ABTB3: variants seen among roughly 807,000 people sequenced by gnomAD.
ABTB3 encodes ankyrin repeat and BTB domain containing 3.
the ABTB3 span, among the ~76,000 whole-genome samples, chr12:107,645,709 C>T: frequency 6.6e-6 from 1 of 152,196 alleles, no homozygotes; most frequent in Admixed American, 6.5e-5. Flanking sequence ...GAACTTGGCT[C>T]GTAGTAGGCG....
the ABTB3 span, among the ~76,000 whole-genome samples, chr12:107,633,527 A>G: frequency 6.6e-6 from 1 of 152,128 alleles, no homozygotes; most frequent in Non-Finnish European, 1.5e-5. Flanking sequence ...GGAGGCCATA[A>G]TTATTCTTAC....
chr12:107,632,109 C>G, the ABTB3 span, among the ~76,000 whole-genome samples: 2 of 152,190 alleles, frequency 1.3e-5, no homozygotes, highest in African/African-American at 4.8e-5. Context: ...TGAGTTCCAG[C>G]AGAGGAGGGG....
the ABTB3 span, among the ~76,000 whole-genome samples, chr12:107,593,063 T>C: frequency 2.6e-5 from 4 of 152,238 alleles, no homozygotes; most frequent in African/African-American, 9.6e-5. Flanking sequence ...AAATAAGCTT[T>C]AAAAAGATAC....
chr12:107,547,233 G>GGAGGAAGAAGAGGAA, the ABTB3 span, among the ~76,000 whole-genome samples: 1 of 151,444 alleles, frequency 6.6e-6, no homozygotes, highest in African/African-American at 2.4e-5. Context: ...AGGGGGAGGG[G>GGAGGAAGAAGAGGAA]GAGGAAGAAG....
At chr12:107,522,755 G>GAAGT in the ABTB3 span, among the ~76,000 whole-genome samples, 2 of 137,020 alleles carry the variant, frequency 1.5e-5, no homozygotes, top group Admixed American at 7.5e-5. Flanking sequence ...AGGAAGGAAG[G>GAAGT]AAGGAATGAA....
the ABTB3 span, among the ~76,000 whole-genome samples, chr12:107,647,023 G>A: frequency 1.3e-3 from 202 of 152,218 alleles, 1 homozygote; most frequent in African/African-American, 4.6e-3. Flanking sequence ...CGGTTGAGTG[G>A]TCCGAGCATA....
At chr12:107,459,016 G>A in the ABTB3 span, among the ~76,000 whole-genome samples, 2 of 152,152 alleles carry the variant, frequency 1.3e-5, no homozygotes. Flanking sequence ...GCAGTGTTCT[G>A]TATTAGTCTA....
At chr12:107,369,392 G>GTTTTTT in the ABTB3 span, among the ~76,000 whole-genome samples, 23 of 134,904 alleles carry the variant, frequency 1.7e-4, no homozygotes, top group Non-Finnish European at 2.6e-4. Context: ...TCAAACAAGG[G>GTTTTTT]TTTTTTTTTT....
At chr12:107,593,035 G>A in the ABTB3 span, among the ~76,000 whole-genome samples, 2 of 152,172 alleles carry the variant, frequency 1.3e-5, no homozygotes, top group East Asian at 3.8e-4. Context: ...TAAATCTGAG[G>A]AACACTAGCT....
At chr12:107,331,134 G>T in the ABTB3 span, among the ~76,000 whole-genome samples, 1 of 152,200 alleles carries the variant, frequency 6.6e-6, no homozygotes, top group African/African-American at 2.4e-5. Flanking sequence ...AAGCACACCA[G>T]ACTTAAATTA....
At chr12:107,531,795 C>T in the ABTB3 span, among the ~76,000 whole-genome samples, 1 of 152,148 alleles carries the variant, frequency 6.6e-6, no homozygotes, top group Non-Finnish European at 1.5e-5. Flanking sequence ...GTAGTCATTA[C>T]TAGACTACAT....
chr12:107,360,648 T>A, the ABTB3 span, among the ~76,000 whole-genome samples: 1 of 152,172 alleles, frequency 6.6e-6, no homozygotes, highest in South Asian at 2.1e-4. Flanking sequence ...CACAGTCCTA[T>A]TTACCTAATG....
chr12:107,653,948 C>T, the ABTB3 span, among the ~76,000 whole-genome samples: 6 of 152,156 alleles, frequency 3.9e-5, no homozygotes, highest in East Asian at 1.2e-3. Context: ...CCTCATTCCT[C>T]CCCTCCCCCA....
chr12:107,461,662 C>T, the ABTB3 span, among the ~76,000 whole-genome samples: 1 of 151,348 alleles, frequency 6.6e-6, no homozygotes, highest in South Asian at 2.1e-4. Context: ...CTGCTTAAGA[C>T]TTGTATTGCA....
At chr12:107,579,890 C>T in the ABTB3 span, among the ~76,000 whole-genome samples, 1 of 152,222 alleles carries the variant, frequency 6.6e-6, no homozygotes, top group African/African-American at 2.4e-5. Flanking sequence ...AAGTGTGGTA[C>T]TTGGCCCACC....
chr12:107,635,479 A>AG, the ABTB3 span: 1 of 1,197,468 alleles, frequency 8.4e-7, no homozygotes, highest in East Asian at 2.5e-5. Context: ...GCCAGGAGGG[A>AG]GGGGGTTCAA....
the ABTB3 span, among the ~76,000 whole-genome samples, chr12:107,457,250 CA>C: frequency 6.6e-6 from 1 of 152,190 alleles, no homozygotes; most frequent in East Asian, 1.9e-4. Context: ...AATGGTCTGA[CA>C]AGCTCATCTT....
the ABTB3 span, among the ~76,000 whole-genome samples, chr12:107,494,092 G>A: frequency 6.6e-6 from 1 of 152,184 alleles, no homozygotes; most frequent in African/African-American, 2.4e-5. Context: ...TACAAAAATA[G>A]GAATTGAGCT....
the ABTB3 span, among the ~76,000 whole-genome samples, chr12:107,648,856 G>A: frequency 6.6e-6 from 1 of 151,896 alleles, no homozygotes; most frequent in Non-Finnish European, 1.5e-5. Flanking sequence ...GCGGGAGGTG[G>A]GAGAAGACCC....
Sources: allele counts gnomAD v4.1 joint callset (sites outside exome capture counted in the v4.1 genomes callset), GRCh38; gene constraint gnomAD v4.1.1; transcripts MANE v1.5; gene names NCBI Gene and HGNC (gene_info 2026-07-23, HGNC 2026-07-21).